Variants in ARHGAP44 observed in about 807,000 individuals in gnomAD.
ARHGAP44 encodes Rho GTPase activating protein 44, also known as rho GTPase-activating protein 44.
A neutral mutation model predicts 106.8 loss-of-function variants in ARHGAP44; 43 were observed. That is an observed-to-expected ratio of 0.40 (90% CI 0.32 to 0.52). The LOEUF is 0.52. Among genes scored for constraint, ARHGAP44 ranks in the 20% least tolerant of loss-of-function variants. The pLI is 0.48. For missense variants in ARHGAP44, 866 were observed against 1,050.5 expected (o/e 0.82, Z 2.43); for synonymous variants, 439 against 410.3 (o/e 1.07, Z -0.85).
chr17:12,837,793 G>T (rs1399502298), intron 1 of ARHGAP44, among the ~76,000 whole-genome samples: 1 of 152,052 alleles, frequency 6.6e-6, no homozygotes, highest in Non-Finnish European at 1.5e-5. Flanking sequence ...ATACATTGGG[G>T]GCTCCTTTCT....
At chr17:12,837,127 G>C (rs1335589176) in intron 1 of ARHGAP44, among the ~76,000 whole-genome samples, 2 of 152,088 alleles carry the variant, frequency 1.3e-5, no homozygotes, top group African/African-American at 4.8e-5. Flanking sequence ...AAGATAACTA[G>C]GAAACACTAA....
chr17:12,966,637 C>T (rs2039398867), intron 16 of ARHGAP44, among the ~76,000 whole-genome samples: 1 of 152,186 alleles, frequency 6.6e-6, no homozygotes, highest in South Asian at 2.1e-4. Flanking sequence ...TCTTACAGTC[C>T]CTGAATGTGC....
At chr17:12,805,069 G>A (rs143429556) in intron 1 of ARHGAP44, among the ~76,000 whole-genome samples, 2 of 152,266 alleles carry the variant, frequency 1.3e-5, no homozygotes, top group South Asian at 2.1e-4. Context: ...TGGTAGATGA[G>A]GTGTTCATGG....
rs187209979 is a variant in ARHGAP44, at chr17:12,989,421, A to G, written c.2318-611A>G. Among the ~76,000 whole-genome samples the G allele has an allele frequency of 3.9e-5, 6 of 152,308 alleles. No individual in the cohort carries two copies. The East Asian group carries it at 1.2e-3, about 29-fold the overall frequency. On this transcript the variant is annotated intron_variant, in intron 20 of 20. Transcript: ENST00000379672. ...ATTTCTCCTGTTCATCTTGCCGGGA[A>G]AAATGACCTTTTAATGCTCCTAATA...
intron 6 of ARHGAP44, among the ~76,000 whole-genome samples, chr17:12,921,927 A>G (rs12951600): frequency 0.47 from 71,914 of 151,932 alleles, 18,359 homozygotes; most frequent in Non-Finnish European, 0.57. Context: ...ACCAGACATA[A>G]AACAGGTTAA....
chr17:12,901,691 G>A (rs1226823288), intron 3 of ARHGAP44, among the ~76,000 whole-genome samples: 1 of 152,014 alleles, frequency 6.6e-6, no homozygotes, highest in African/African-American at 2.4e-5. Flanking sequence ...GAAAATGCAG[G>A]GTGAGAAGAC....
At chr17:12,924,739 C>T (rs181742207) in intron 6 of ARHGAP44, among the ~76,000 whole-genome samples, 13 of 152,240 alleles carry the variant, frequency 8.5e-5, no homozygotes, top group Non-Finnish European at 4.4e-5. Flanking sequence ...TCTCTCTACA[C>T]GCACTCAGAG....
intron 1 of ARHGAP44, among the ~76,000 whole-genome samples, chr17:12,798,762 C>A (rs2034000693): frequency 6.6e-6 from 1 of 151,990 alleles, no homozygotes; most frequent in Non-Finnish European, 1.5e-5. Flanking sequence ...GTTCAATGTT[C>A]TTTTTGTTCC....
chr17:12,989,121 A>AC (rs2040041435), intron 20 of ARHGAP44, among the ~76,000 whole-genome samples: 1 of 149,088 alleles, frequency 6.7e-6, no homozygotes, highest in Admixed American at 6.7e-5. Flanking sequence ...AAAAAAAAAA[A>AC]AAAACTAAGC....
chr17:12,968,207 T>C (rs1859967), intron 16 of ARHGAP44, among the ~76,000 whole-genome samples: 8,102 of 152,252 alleles, frequency 0.053, 786 homozygotes, highest in East Asian at 0.48. Flanking sequence ...AGCCCTTTCC[T>C]TGCCACCTCG....
intron 1 of ARHGAP44, among the ~76,000 whole-genome samples, chr17:12,831,451 G>A (rs920699998): frequency 5.9e-5 from 9 of 152,310 alleles, no homozygotes; most frequent in Admixed American, 4.6e-4. Context: ...ACTCAGCTTC[G>A]TTTGTACAGA....
intron 7 of ARHGAP44, among the ~76,000 whole-genome samples, chr17:12,939,469 T>A (rs1011829425): frequency 2.0e-5 from 3 of 150,280 alleles, no homozygotes; most frequent in African/African-American, 4.9e-5. Context: ...TTATTTTTTA[T>A]TTTTTTTTTA....
intron 4 of ARHGAP44, among the ~76,000 whole-genome samples, chr17:12,915,176 C>T (rs960364605): frequency 6.6e-6 from 1 of 152,148 alleles, no homozygotes; most frequent in Non-Finnish European, 1.5e-5. Flanking sequence ...GAAGCTGGGT[C>T]TACAGGCATG....
intron 1 of ARHGAP44, among the ~76,000 whole-genome samples, chr17:12,800,118 T>TGGCAATAA (rs2034044641): frequency 4.6e-5 from 7 of 152,228 alleles, no homozygotes; most frequent in Admixed American, 4.6e-4. Context: ...AAATGACAGT[T>TGGCAATAA]ATTACCAATA....
intron 1 of ARHGAP44, among the ~76,000 whole-genome samples, chr17:12,861,071 G>T (rs1452596756): frequency 6.6e-6 from 1 of 152,074 alleles, no homozygotes; most frequent in Non-Finnish European, 1.5e-5. Context: ...GGCCAGGCTG[G>T]TCTCGAACTC....
chr17:12,841,178 A>C (rs1251105148), intron 1 of ARHGAP44, among the ~76,000 whole-genome samples: 1 of 152,200 alleles, frequency 6.6e-6, no homozygotes, highest in Non-Finnish European at 1.5e-5. Context: ...TCCTGGGCCA[A>C]CAGCAACCTG....
intron 16 of ARHGAP44, among the ~76,000 whole-genome samples, chr17:12,967,054 C>A (rs902298361): frequency 6.6e-6 from 1 of 151,082 alleles, no homozygotes; most frequent in African/African-American, 2.4e-5. Flanking sequence ...CCTCTTCTTC[C>A]TTCTCCTCCT....
At chr17:12,922,356 A>G (rs2038106819) in intron 6 of ARHGAP44, among the ~76,000 whole-genome samples, 3 of 152,150 alleles carry the variant, frequency 2.0e-5, no homozygotes. Flanking sequence ...GGAAGTACTG[A>G]TTTGCTATTA....
At chr17:12,815,917 A>G (rs1401683897) in intron 1 of ARHGAP44, among the ~76,000 whole-genome samples, 1 of 152,170 alleles carries the variant, frequency 6.6e-6, no homozygotes, top group African/African-American at 2.4e-5. Flanking sequence ...GACAGATGGA[A>G]CTATTTAGAA....
Sources: gnomAD v4.1 joint callset for allele counts (sites outside exome capture counted in the v4.1 genomes callset) on GRCh38, gnomAD v4.1.1 for gene constraint, MANE v1.5 for transcripts, NCBI Gene and HGNC (gene_info 2026-07-23, HGNC 2026-07-21) for gene names.